CCBE1: variants seen among roughly 807,000 people sequenced by gnomAD.
CCBE1 encodes the protein collagen and calcium binding EGF domains 1, also known as collagen and calcium-binding EGF domain-containing protein 1.
A neutral mutation model predicts 50.0 loss-of-function variants in CCBE1; 37 were observed. The observed-to-expected ratio is 0.74, with a 90% CI of 0.57 to 0.97. The LOEUF (loss-of-function observed/expected upper bound fraction) is 0.97, where lower values mean the gene tolerates loss of function less well. CCBE1 is among the 50% of genes least tolerant of loss of function. The pLI is 0.00. For synonymous variants in CCBE1, 234 were observed against 203.7 expected, an observed-to-expected ratio of 1.15 and a Z score of -1.27; for missense variants, 538 against 523.8, an observed-to-expected ratio of 1.03 and a Z score of -0.26.
chr18:59,688,495 G>A (rs2054687078), intron 2 of CCBE1: 1 of 152,204 alleles, frequency 6.6e-6, no homozygotes, highest in African/African-American at 2.4e-5. Context: ...TGTATGGAGA[G>A]GTGGCTTTCA....
intron 7 of CCBE1, among the ~76,000 whole-genome samples, chr18:59,442,049 G>C (rs1035217793): frequency 6.6e-6 from 1 of 152,054 alleles, no homozygotes; most frequent in Non-Finnish European, 1.5e-5. Flanking sequence ...CATCCTCCCT[G>C]AATAAACCAT....
At chr18:59,648,871 T>C (rs936605655) in intron 2 of CCBE1, among the ~76,000 whole-genome samples, 14 of 152,204 alleles carry the variant, frequency 9.2e-5, no homozygotes. Context: ...TTTCATCTCC[T>C]TGTATTTCTT....
chr18:59,472,693 A>C (rs1440942131), intron 3 of CCBE1, among the ~76,000 whole-genome samples: 5 of 151,850 alleles, frequency 3.3e-5, no homozygotes, highest in Admixed American at 2.6e-4. Context: ...GATGCCCATC[A>C]CCTCCCTCTC....
chr18:59,436,014 T>A lies in CCBE1; in HGVS notation c.1115A>T (p.Gln372Leu). The change falls in exon 11 of 11, where the codon CAG becomes CTG. Residue 372 changes from glutamine to leucine, a missense_variant. By Grantham distance (113) the Gln-to-Leu change is moderately radical. Transcript: ENST00000439986. Reference protein sequence around the residue: ...HSSAEEFPLPQEFPSYPEAMD... With the variant: ...HSSAEEFPLPLEFPSYPEAMD... ...GGCTTCTGGGTAGCTGGGAAATTCC[T>A]GAGGTAAAGGGAACTCCTCTGCTGA... 1 of 1,614,178 alleles carries A rather than the reference T, an allele frequency of 6.2e-7. No homozygotes were observed. The highest frequency in any genetic ancestry group is 8.5e-7 in the Non-Finnish European group (1 of 1,180,030).
chr18:59,456,226 C>T (rs528661291), intron 5 of CCBE1, among the ~76,000 whole-genome samples: 2 of 152,206 alleles, frequency 1.3e-5, no homozygotes, highest in African/African-American at 4.8e-5. Context: ...GAACCAGGCT[C>T]ACTTCTTGGT....
In CCBE1 at chr18:59,684,750, T is replaced by C. The variant is rs543714407; in HGVS notation, c.212+11879A>G. 3.3e-5 allele frequency among the ~76,000 whole-genome samples: 5 copies of C among 152,334 alleles called. No individual in the cohort carries two copies. The East Asian group carries it at 9.6e-4, about 29-fold the overall frequency. On this transcript the variant is annotated intron_variant, in intron 2 of 10. Coordinates refer to ENST00000439986, the MANE Select transcript of CCBE1 (RefSeq NM_133459.4). ...AAACTATGCATTATAGACAGACATA[T>C]TTGGAGACTGCCTGGTTTAAGGTCA...
At chr18:59,676,477 T>C (rs553074996) in intron 2 of CCBE1, among the ~76,000 whole-genome samples, 11 of 152,348 alleles carry the variant, frequency 7.2e-5, no homozygotes, top group Middle Eastern at 6.8e-3. Context: ...TCTTCTTATA[T>C]ATAACTGCCT....
In CCBE1 at chr18:59,488,612, G is replaced by C. The variant is rs577152047; in HGVS notation, c.213-8374C>G. ...TCCTCAAAAACCAGAAGACCTGGAA[G>C]TCTGGGCACTGGGCCTTGGGAATGT... On this transcript the variant is annotated intron_variant, in intron 2 of 10. Transcript: ENST00000439986. 2.0e-5 allele frequency among the ~76,000 whole-genome samples: 3 copies of C among 152,308 alleles called. No homozygotes were observed. In the South Asian group the frequency reaches 6.2e-4, roughly 32 times the overall value.
At chr18:59,563,453 T>C (rs2052772526) in intron 2 of CCBE1, among the ~76,000 whole-genome samples, 1 of 152,216 alleles carries the variant, frequency 6.6e-6, no homozygotes, top group South Asian at 2.1e-4. Flanking sequence ...AATTCAGCCA[T>C]ATTTTTTTCT....
chr18:59,697,106 G>A lies in CCBE1; in HGVS notation c.131+106C>T, dbSNP rs528217799. 2.2e-5 allele frequency: 31 copies of A among 1,439,038 alleles called. No homozygotes were observed. In the East Asian group the frequency reaches 7.0e-4, roughly 32 times the overall value. 89.1% of individuals were successfully genotyped at this position (1,439,038 alleles called of 1,614,324 possible). On this transcript the variant is annotated intron_variant, in intron 1 of 10. Coordinates refer to ENST00000439986, the MANE Select transcript of CCBE1 (RefSeq NM_133459.4). The stretch of plus-strand genomic sequence containing the variant: ...TCCTTATCCCCGGAGAAGTGAGGGC[G>A]TGCGGATCGCTGTGGGAGTGGGCGC...
chr18:59,519,482 T>A (rs1914508880), intron 2 of CCBE1, among the ~76,000 whole-genome samples: 1 of 151,446 alleles, frequency 6.6e-6, no homozygotes, highest in South Asian at 2.1e-4. Context: ...GCCACAAACA[T>A]ATGGCTTTCC....
At chr18:59,567,872 GAC>G (rs533445300) in intron 2 of CCBE1, among the ~76,000 whole-genome samples, 5 of 152,198 alleles carry the variant, frequency 3.3e-5, no homozygotes, top group African/African-American at 9.7e-5. Flanking sequence ...TTTATCAGCA[GAC>G]ACATATCACA....
intron 2 of CCBE1, among the ~76,000 whole-genome samples, chr18:59,484,846 A>G (rs1470848694): frequency 2.0e-5 from 3 of 152,236 alleles, no homozygotes; most frequent in Non-Finnish European, 2.9e-5. Context: ...ATCACCATTT[A>G]AAATAAATAA....
chr18:59,556,479 T>A (rs576753257), intron 2 of CCBE1, among the ~76,000 whole-genome samples: 1 of 152,262 alleles, frequency 6.6e-6, no homozygotes, highest in Admixed American at 6.5e-5. Context: ...TAATCAGATG[T>A]GCTGTAATTA....
intron 3 of CCBE1, 65 bp from the exon 4 acceptor site, chr18:59,469,672 T>C (rs1911935473): frequency 6.2e-7 from 1 of 1,605,130 alleles, no homozygotes; most frequent in African/African-American, 1.3e-5. Context: ...GGCCCTGGCC[T>C]GGAAAGGACT....
At chr18:59,539,185 AC>A (rs1220716310) in intron 2 of CCBE1, among the ~76,000 whole-genome samples, 1 of 130,872 alleles carries the variant, frequency 7.6e-6, no homozygotes, top group Non-Finnish European at 1.6e-5. Flanking sequence ...TATTTAAAAA[AC>A]ACACACACAC....
chr18:59,499,547 A>G (rs923802371), intron 2 of CCBE1, among the ~76,000 whole-genome samples: 2 of 152,318 alleles, frequency 1.3e-5, no homozygotes, highest in East Asian at 1.9e-4. Flanking sequence ...GGCAACAGGC[A>G]AAGAGAGAGA....
intron 2 of CCBE1, among the ~76,000 whole-genome samples, chr18:59,493,416 G>A (rs1296377151): frequency 1.3e-5 from 2 of 152,104 alleles, no homozygotes; most frequent in African/African-American, 4.8e-5. Context: ...ACTTCACAGT[G>A]ACCCAATATC....
chr18:59,477,083 C>T (rs772159385), intron 3 of CCBE1, among the ~76,000 whole-genome samples: 10 of 152,198 alleles, frequency 6.6e-5, no homozygotes, highest in Non-Finnish European at 1.0e-4. Context: ...ATTAAGGTGC[C>T]ACCTGGCTAC....
Sources: allele counts gnomAD v4.1 joint callset (sites outside exome capture counted in the v4.1 genomes callset), GRCh38; gene constraint gnomAD v4.1.1; transcripts MANE v1.5; gene names NCBI Gene and HGNC (gene_info 2026-07-23, HGNC 2026-07-21).